KATNAL2: variants seen among roughly 807,000 people sequenced by gnomAD.
KATNAL2 encodes the protein katanin catalytic subunit A1 like 2, also known as katanin p60 ATPase-containing subunit A-like 2.
In KATNAL2, 52 loss-of-function variants were observed where a neutral mutation model predicts 76.3. That is an observed-to-expected ratio of 0.68 (90% CI 0.55 to 0.86). The LOEUF is 0.86. KATNAL2 is among the 40% of genes least tolerant of loss of function. The pLI is 0.00. For missense variants in KATNAL2, 660 were observed against 668.9 expected, an observed-to-expected ratio of 0.99 and a Z score of 0.15; for synonymous variants, 243 against 244.2, an observed-to-expected ratio of 1.00 and a Z score of 0.05.
intron 15 of KATNAL2, among the ~76,000 whole-genome samples, chr18:47,079,082 T>C (rs2062384321): frequency 6.6e-6 from 1 of 152,186 alleles, no homozygotes; most frequent in South Asian, 2.1e-4. Context: ...ACTAACACCA[T>C]CTTGCTCAAT....
intron 3 of KATNAL2, chr18:47,034,757 C>G (rs780702858): frequency 6.2e-7 from 1 of 1,612,746 alleles, no homozygotes; most frequent in Admixed American, 1.7e-5. Flanking sequence ...GTTGGAGAGG[C>G]CCGATAGCGG....
chr18:46,919,003 ATATATG>A (rs769370854), intron 1 of KATNAL2, among the ~76,000 whole-genome samples: 64 of 146,176 alleles, frequency 4.4e-4, no homozygotes, highest in African/African-American at 1.6e-3. Flanking sequence ...GTGTATATAT[ATATATG>A]TGTGTGTGTG....
At chr18:46,932,148 T>C (rs2058944896) in intron 1 of KATNAL2, among the ~76,000 whole-genome samples, 1 of 152,078 alleles carries the variant, frequency 6.6e-6, no homozygotes, top group Non-Finnish European at 1.5e-5. Flanking sequence ...CCTGACCTCG[T>C]GATCCGCCCG....
intron 3 of KATNAL2, among the ~76,000 whole-genome samples, chr18:47,037,656 T>A (rs563170632): frequency 6.6e-6 from 1 of 152,356 alleles, no homozygotes; most frequent in East Asian, 1.9e-4. Context: ...TTCTGTGTTT[T>A]CAGTAACAGA....
At chr18:46,932,160 C>G (rs1360550100) in intron 1 of KATNAL2, among the ~76,000 whole-genome samples, 1 of 152,128 alleles carries the variant, frequency 6.6e-6, no homozygotes, top group African/African-American at 2.4e-5. Flanking sequence ...ATCCGCCCGC[C>G]TTGGCCTCCC....
At chr18:46,932,097 G>A (rs796194968) in intron 1 of KATNAL2, among the ~76,000 whole-genome samples, 83 of 151,930 alleles carry the variant, frequency 5.5e-4, no homozygotes, top group African/African-American at 1.1e-3. Context: ...ATTTTTAGTA[G>A]AGACAGGGTT....
Position 46,957,249 on chromosome 18 carries a change from C to CTTTTT in KATNAL2, c.51+10346_51+10350dup, listed in dbSNP as rs1223846865. Among the ~76,000 whole-genome samples the CTTTTT allele has an allele frequency of 7.6e-3, 565 of 73,904 alleles. 1 individual carries two copies. The highest frequency in any genetic ancestry group is 0.013 in the Middle Eastern group (1 of 76). The allele number at this position is 73,904 out of a possible 152,430, so 48.5% of individuals were successfully genotyped here. ...ATTGAGAAAAGCAGATTGCCCTCTTCTTTTTTTTTTTTTTTTTTTTTTTTG... is the reference window on the plus strand; with the variant it reads ...ATTGAGAAAAGCAGATTGCCCTCTTCTTTTTTTTTTTTTTTTTTTTTTTTTTTTTG... On this transcript the variant is annotated intron_variant, in intron 3 of 17. Transcript: ENST00000683218.
At chr18:46,921,731 G>A (rs1027799478) in intron 1 of KATNAL2, among the ~76,000 whole-genome samples, 2 of 150,186 alleles carry the variant, frequency 1.3e-5, no homozygotes, top group Admixed American at 6.6e-5. Context: ...ACATAATTAA[G>A]AACCATATGA....
At chr18:46,954,198 T>TG (rs1226528615) in intron 3 of KATNAL2, among the ~76,000 whole-genome samples, 19 of 151,846 alleles carry the variant, frequency 1.3e-4, no homozygotes, top group Non-Finnish European at 2.5e-4. Context: ...CTGTTCAGCA[T>TG]GCTCTTTATA....
At chr18:46,918,968 G>A (rs776416809) in intron 1 of KATNAL2, among the ~76,000 whole-genome samples, 2 of 150,488 alleles carry the variant, frequency 1.3e-5, no homozygotes, top group African/African-American at 4.9e-5. Flanking sequence ...TTGTGTAATT[G>A]TTTATTTGAT....
intron 15 of KATNAL2, among the ~76,000 whole-genome samples, chr18:47,096,502 C>T (rs899258834): frequency 3.9e-5 from 6 of 152,062 alleles, no homozygotes; most frequent in Non-Finnish European, 5.9e-5. Context: ...TCACCACACC[C>T]GGCTAATTTT....
At chr18:47,033,923 A>G (rs1599577218) in intron 3 of KATNAL2, 1 of 1,612,948 alleles carries the variant, frequency 6.2e-7, no homozygotes, top group Non-Finnish European at 8.5e-7. Context: ...GGCCCGGCGG[A>G]ATCAGCGCCG....
At position 47,052,931 on chromosome 18, in the gene KATNAL2, A is replaced by G; in HGVS notation, c.174A>G (p.Arg58=). The G allele has an allele frequency of 6.2e-7, 1 of 1,612,744 alleles. No homozygotes were observed. Among genetic ancestry groups the G allele is most frequent in the Non-Finnish European group, 8.5e-7 (1 of 1,179,430 alleles). ...AGCAAGAAACTAAACTGGGGTTACG[A>G]CGGTTTGAAGTTTGTGACAACATTG... is the stretch of plus-strand genomic sequence containing the variant. The part of the protein sequence containing the change: ...ALEQETKLGL[R]RFEVCDNIDL... The change falls in exon 5 of 18, where the codon CGA becomes CGG. Residue 58 remains arginine, a synonymous_variant. Transcript: ENST00000683218.
At position 46,955,635 on chromosome 18, in the gene KATNAL2, C is replaced by T. The variant is rs569990125; in HGVS notation, c.51+8712C>T. ...AATGCATTGGTGCCATCAAGGCTCA[C>T]TGCAGCCTTGGGCTCAATCTACCCT... On this transcript the variant is annotated intron_variant, in intron 3 of 17. Coordinates refer to ENST00000683218, the MANE Select transcript of KATNAL2 (RefSeq NM_001387690.1). Among the ~76,000 whole-genome samples the T allele has an allele frequency of 3.3e-5, 5 of 152,264 alleles. No homozygotes were observed. In the East Asian group the frequency reaches 9.7e-4, roughly 29 times the overall value.
intron 3 of KATNAL2, among the ~76,000 whole-genome samples, chr18:47,039,520 C>T (rs1216406715): frequency 6.6e-6 from 1 of 152,024 alleles, no homozygotes; most frequent in Non-Finnish European, 1.5e-5. Context: ...GTTTTTCATC[C>T]CACTAATGAG....
intron 14 of KATNAL2, among the ~76,000 whole-genome samples, chr18:47,077,019 T>A (rs1449804376): frequency 6.6e-6 from 1 of 152,114 alleles, no homozygotes; most frequent in African/African-American, 2.4e-5. Flanking sequence ...ATGTCATTTT[T>A]AAAGAGGTAA....
At chr18:46,919,981 G>A in intron 1 of KATNAL2, 1 of 954,270 alleles carries the variant, frequency 1.0e-6, no homozygotes. Context: ...CTGCCACAGA[G>A]GAGCTTACAC....
Position 47,077,460 on chromosome 18 carries a change from T to C in KATNAL2, c.1210T>C (p.Trp404Arg). 6.2e-7 allele frequency: 1 copy of C among 1,608,016 alleles called. No individual in the cohort carries two copies. The highest frequency in any genetic ancestry group is 8.5e-7 in the Non-Finnish European group (1 of 1,174,446). The change falls in exon 15 of 18, where the codon TGG (tryptophan) becomes CGG (arginine). Residue 404 changes from tryptophan to arginine, a missense_variant and splice_region_variant. Physicochemically the swap from Trp to Arg is moderately radical, Grantham distance 101 (BLOSUM62 -3). Coordinates refer to ENST00000683218, the MANE Select transcript of KATNAL2 (RefSeq NM_001387690.1). Reference sequence around the variant, plus strand: ...TGTCTTAGCAGCTTCTAACCTGCCGTGGTAAGAGACCAAGAGAGTAAATTT... The same window carrying C: ...TGTCTTAGCAGCTTCTAACCTGCCGCGGTAAGAGACCAAGAGAGTAAATTT... ...VFVLAASNLP[W>R]ELDCAMLRRL...
intron 15 of KATNAL2, among the ~76,000 whole-genome samples, chr18:47,098,008 T>C (rs1161499787): frequency 6.6e-6 from 1 of 152,186 alleles, no homozygotes; most frequent in African/African-American, 2.4e-5. Context: ...TGGAAATGCA[T>C]GCTAAAATAT....
Sources: allele counts gnomAD v4.1 joint callset (sites outside exome capture counted in the v4.1 genomes callset), GRCh38; gene constraint gnomAD v4.1.1; transcripts MANE v1.5; gene names NCBI Gene and HGNC (gene_info 2026-07-23, HGNC 2026-07-21).